The following ZNF536 variants were observed in gnomAD, a reference collection of about 807,000 sequenced individuals.
ZNF536 encodes zinc finger protein 536.
Under a neutral mutation model 84.5 loss-of-function variants are expected in ZNF536, and 13 were observed. The observed-to-expected ratio is 0.15, with a 90% CI of 0.10 to 0.24. ZNF536 has a LOEUF of 0.24. ZNF536 is among the 10% of genes least tolerant of loss of function. The pLI is 1.00. For missense variants in ZNF536, 1,536 were observed against 1,747.5 expected (o/e 0.88, Z 2.16); for synonymous variants, 811 against 742.5 (o/e 1.09, Z -1.50).
chr19:30,578,764 G>T (rs2046823421), intron 1 of ZNF536, among the ~76,000 whole-genome samples: 2 of 152,242 alleles, frequency 1.3e-5, no homozygotes, highest in Non-Finnish European at 2.9e-5. Context: ...CTCACCGTAG[G>T]CTTGACACCC....
At chr19:30,608,780 C>T (rs2047988129) in intron 1 of ZNF536, among the ~76,000 whole-genome samples, 1 of 152,130 alleles carries the variant, frequency 6.6e-6, no homozygotes, top group Non-Finnish European at 1.5e-5. Flanking sequence ...TCCTGTGATT[C>T]TTGCTAAGGA....
At chr19:30,381,941 C>G (rs775509345) in intron 1 of ZNF536, among the ~76,000 whole-genome samples, 5 of 152,050 alleles carry the variant, frequency 3.3e-5, no homozygotes, top group Non-Finnish European at 5.9e-5. Flanking sequence ...ACAGGGGAAG[C>G]CAGCAAAAAG....
chr19:30,562,192 A>G (rs1246992538), downstream of ZNF536, among the ~76,000 whole-genome samples: 1 of 152,098 alleles, frequency 6.6e-6, no homozygotes, highest in African/African-American at 2.4e-5. Flanking sequence ...CTTAAACTCT[A>G]TAGTCTCCAC....
intron 1 of ZNF536, among the ~76,000 whole-genome samples, chr19:30,279,345 G>T (rs1265100269): frequency 1.3e-5 from 2 of 152,216 alleles, no homozygotes; most frequent in Non-Finnish European, 2.9e-5. Flanking sequence ...GACTGCAGGG[G>T]TGCTGGGTGG....
At chr19:30,429,088 G>A (rs993430828) in intron 1 of ZNF536, among the ~76,000 whole-genome samples, 1 of 152,214 alleles carries the variant, frequency 6.6e-6, no homozygotes, top group Non-Finnish European at 1.5e-5. Context: ...GGGTGGAGGA[G>A]GCTATAGAGG....
intron 1 of ZNF536, among the ~76,000 whole-genome samples, chr19:30,658,719 T>A (rs2147543353): frequency 6.6e-6 from 1 of 152,310 alleles, no homozygotes; most frequent in East Asian, 1.9e-4. Context: ...CTTCCTCTTT[T>A]TTTTTCTGGT....
intron 1 of ZNF536, among the ~76,000 whole-genome samples, chr19:30,263,698 G>C (rs930239043): frequency 6.6e-6 from 1 of 152,176 alleles, no homozygotes; most frequent in African/African-American, 2.4e-5. Context: ...GCAAGAAGAA[G>C]TTAAGTTGTG....
intron 1 of ZNF536, among the ~76,000 whole-genome samples, chr19:30,577,327 C>T (rs936112683): frequency 6.6e-6 from 1 of 151,840 alleles, no homozygotes; most frequent in Non-Finnish European, 1.5e-5. Context: ...CAGGATTTAT[C>T]ATGGAAATAG....
At chr19:30,315,567 G>C (rs779437266) in intron 2 of ZNF536, among the ~76,000 whole-genome samples, 33 of 152,176 alleles carry the variant, frequency 2.2e-4, no homozygotes, top group Non-Finnish European at 8.8e-5. Flanking sequence ...GAGGAGGAGG[G>C]GCAGCCTGAA....
At chr19:30,229,815 T>G (rs1286232073) in intron 1 of ZNF536, among the ~76,000 whole-genome samples, 1 of 152,142 alleles carries the variant, frequency 6.6e-6, no homozygotes, top group Non-Finnish European at 1.5e-5. Flanking sequence ...AGGAATTAAC[T>G]TTTCCCCCCA....
intron 1 of ZNF536, among the ~76,000 whole-genome samples, chr19:30,685,479 G>A (rs1393826581): frequency 6.6e-6 from 1 of 152,088 alleles, no homozygotes; most frequent in Non-Finnish European, 1.5e-5. Context: ...TCCCCATCCA[G>A]CTTGGCTCCT....
upstream of ZNF536, among the ~76,000 whole-genome samples, chr19:30,226,817 TG>T (rs1319823159): frequency 6.6e-6 from 1 of 151,958 alleles, no homozygotes; most frequent in African/African-American, 2.4e-5. This position sits in a 1 kb window ranked among gnomAD's most constrained non-coding sequence, Gnocchi z 4.6. Flanking sequence ...GCGCGGCGTC[TG>T]GGAAGAGTGC....
intron 1 of ZNF536, among the ~76,000 whole-genome samples, chr19:30,629,607 C>T (rs983697299): frequency 2.0e-5 from 3 of 152,236 alleles, no homozygotes; most frequent in Non-Finnish European, 2.9e-5. Context: ...CTCAAGGTTA[C>T]AGAGCTGGTG....
At chr19:30,539,074 G>A (rs1464790384) in intron 3 of ZNF536, among the ~76,000 whole-genome samples, 1 of 151,200 alleles carries the variant, frequency 6.6e-6, no homozygotes, top group African/African-American at 2.4e-5. Flanking sequence ...AAAAGAAAAG[G>A]AAAGAAAGAA....
chr19:30,638,056 C>T (rs2049135977), intron 1 of ZNF536, among the ~76,000 whole-genome samples: 1 of 152,080 alleles, frequency 6.6e-6, no homozygotes, highest in South Asian at 2.1e-4. Flanking sequence ...AAAACTCTTT[C>T]CTGAATGTTC....
intron 2 of ZNF536, among the ~76,000 whole-genome samples, chr19:30,516,723 C>G (rs994121096): frequency 2.6e-5 from 4 of 152,158 alleles, no homozygotes; most frequent in Non-Finnish European, 4.4e-5. Flanking sequence ...AGTGAGCATT[C>G]CAAAGCAGCA....
At chr19:30,604,145 G>A (rs978232445) in intron 1 of ZNF536, among the ~76,000 whole-genome samples, 8 of 152,180 alleles carry the variant, frequency 5.3e-5, no homozygotes, top group Non-Finnish European at 2.9e-5. Context: ...TCACAGTGTG[G>A]TATGCAATAG....
chr19:30,557,356 C>T lies in ZNF536; in HGVS notation c.*192C>T. 1 of 531,652 alleles carries T rather than the reference C, an allele frequency of 1.9e-6. No homozygotes were observed. Among genetic ancestry groups the T allele is most frequent in the Non-Finnish European group, 3.3e-6 (1 of 302,504 alleles). The allele number at this position is 531,652 out of a possible 1,614,324, so 32.9% of individuals were successfully genotyped here. On this transcript the variant is annotated 3_prime_UTR_variant, in exon 5 of 5. Transcript: ENST00000355537. ...ATCTACAGTATATATAGCAGAGAAT[C>T]AGAGGCTAAAAATATTACCCCATAT...
intron 2 of ZNF536, among the ~76,000 whole-genome samples, chr19:30,466,988 C>T (rs2053441967): frequency 6.6e-6 from 1 of 151,996 alleles, no homozygotes. Context: ...TTACAGGTGC[C>T]CACCGCCACA....
Sources: allele counts gnomAD v4.1 joint callset (sites outside exome capture counted in the v4.1 genomes callset), GRCh38; gene constraint gnomAD v4.1.1; non-coding constraint Gnocchi (gnomAD v3.1); transcripts MANE v1.5; gene names NCBI Gene and HGNC (gene_info 2026-07-23, HGNC 2026-07-21).